The following NOX4 variants were observed in gnomAD, a reference collection of about 807,000 sequenced individuals.
The protein encoded by NOX4 is kidney oxidase-1.
NOX4 carries 69 observed loss-of-function variants against 87.6 expected under a neutral mutation model. The ratio of observed to expected loss-of-function variants is 0.79; its 90% CI spans 0.65 to 0.96. The LOEUF (loss-of-function observed/expected upper bound fraction) is 0.96, where lower values mean the gene tolerates loss of function less well. NOX4 is among the 40% of genes least tolerant of loss of function. The pLI, the probability that NOX4 is intolerant of heterozygous loss-of-function variation, is 0.00. For missense variants in NOX4, 680 were observed against 681.5 expected, an observed-to-expected ratio of 1.00 and a Z score of 0.02; for synonymous variants, 275 against 238.2, an observed-to-expected ratio of 1.15 and a Z score of -1.42.
At chr11:89,373,317 AGCTTG>A in intron 12 of NOX4, 110 bp downstream of exon 12, 1 of 524,252 alleles carries the variant, frequency 1.9e-6, no homozygotes, top group Non-Finnish European at 3.4e-6. Flanking sequence ...AACCCAGAAC[AGCTTG>A]AAACACATAC....
chr11:89,398,317 C>T (rs1015273225), intron 11 of NOX4, among the ~76,000 whole-genome samples: 2 of 151,926 alleles, frequency 1.3e-5, no homozygotes, highest in Non-Finnish European at 2.9e-5. Flanking sequence ...GAACGTATCT[C>T]AAAATAATAA....
intron 2 of NOX4, among the ~76,000 whole-genome samples, chr11:89,482,271 A>G (rs1219747794): frequency 6.6e-6 from 1 of 152,104 alleles, no homozygotes; most frequent in Non-Finnish European, 1.5e-5. Flanking sequence ...AGGAGAAAAA[A>G]AAATACATTA....
intron 11 of NOX4, among the ~76,000 whole-genome samples, chr11:89,385,758 T>C (rs1940655002): frequency 6.6e-6 from 1 of 152,170 alleles, no homozygotes; most frequent in Non-Finnish European, 1.5e-5. Flanking sequence ...AAATTGACTT[T>C]ACTCACATGA....
the NOX4 span, among the ~76,000 whole-genome samples, chr11:89,566,043 C>CTTTT: frequency 8.1e-6 from 1 of 122,860 alleles, no homozygotes; most frequent in Non-Finnish European, 1.7e-5. Flanking sequence ...TTCTTTTTTT[C>CTTTT]TTTTTTTTTT....
intron 9 of NOX4, among the ~76,000 whole-genome samples, chr11:89,400,698 A>G (rs1941789697): frequency 6.6e-6 from 1 of 152,088 alleles, no homozygotes; most frequent in African/African-American, 2.4e-5. Flanking sequence ...TACACAATAT[A>G]TTTAATAAAA....
At chr11:89,354,673 G>A (rs1487425456) in intron 13 of NOX4, among the ~76,000 whole-genome samples, 1 of 152,158 alleles carries the variant, frequency 6.6e-6, no homozygotes, top group Non-Finnish European at 1.5e-5. Context: ...CTGTTGATAT[G>A]ACATCAAGCA....
intron 11 of NOX4, among the ~76,000 whole-genome samples, chr11:89,398,976 A>G (rs1025550759): frequency 1.3e-5 from 2 of 152,044 alleles, no homozygotes; most frequent in Non-Finnish European, 2.9e-5. Flanking sequence ...TCATGTATGC[A>G]GAAGCATATG....
chr11:89,456,968 G>T (rs559608535), intron 2 of NOX4, among the ~76,000 whole-genome samples: 1 of 152,220 alleles, frequency 6.6e-6, no homozygotes, highest in East Asian at 1.9e-4. Flanking sequence ...CCTCTCCTGG[G>T]TACAGCCTGG....
chr11:89,451,071 G>A (rs1473508613), intron 3 of NOX4, among the ~76,000 whole-genome samples: 5 of 126,204 alleles, frequency 4.0e-5, no homozygotes, highest in East Asian at 2.7e-4. Context: ...TGTGGGGTGG[G>A]GGGAGGGGGG....
At chr11:89,559,341 G>T in the NOX4 span, among the ~76,000 whole-genome samples, 1 of 152,060 alleles carries the variant, frequency 6.6e-6, no homozygotes, top group Non-Finnish European at 1.5e-5. Context: ...ATGGAAAGCT[G>T]GTCTGAGGAG....
intron 4 of NOX4, among the ~76,000 whole-genome samples, chr11:89,448,115 T>C (rs140161163): frequency 9.5e-4 from 144 of 152,310 alleles, no homozygotes; most frequent in African/African-American, 2.6e-3. Context: ...CTTGCAACTG[T>C]AAATTACAAT....
intron 2 of NOX4, among the ~76,000 whole-genome samples, chr11:89,480,352 A>G (rs563925167): frequency 2.2e-4 from 34 of 152,272 alleles, no homozygotes; most frequent in African/African-American, 8.2e-4. Context: ...AAGCTTTGTG[A>G]AATGATAGGA....
chr11:89,358,958 G>C (rs763512441), intron 12 of NOX4, among the ~76,000 whole-genome samples: 1 of 151,598 alleles, frequency 6.6e-6, no homozygotes, highest in African/African-American at 2.4e-5. Flanking sequence ...GATTTTCTGC[G>C]AAGTGATACC....
At chr11:89,457,215 C>T (rs1365896311) in intron 2 of NOX4, among the ~76,000 whole-genome samples, 2 of 152,190 alleles carry the variant, frequency 1.3e-5, no homozygotes, top group Non-Finnish European at 2.9e-5. Flanking sequence ...GAATGCATCC[C>T]ACTGTGTCAC....
At chr11:89,451,975 A>C in intron 2 of NOX4, 80 bp from the exon 3 acceptor site, 4 of 878,690 alleles carry the variant, frequency 4.6e-6, no homozygotes, top group Non-Finnish European at 7.6e-6. Context: ...TAGAGGTCTC[A>C]CCCTATTGCT....
At chr11:89,467,076 C>A (rs746238209) in intron 2 of NOX4, among the ~76,000 whole-genome samples, 1 of 152,062 alleles carries the variant, frequency 6.6e-6, no homozygotes, top group South Asian at 2.1e-4. Context: ...CGGCCGGGCA[C>A]GGTGGCTCAC....
chr11:89,427,566 C>T (rs932590013), intron 7 of NOX4, among the ~76,000 whole-genome samples: 41 of 152,132 alleles, frequency 2.7e-4, no homozygotes, highest in African/African-American at 7.7e-4. Context: ...ACGAGAACTA[C>T]GTGACGAATG....
At chr11:89,467,101 C>A (rs999314158) in intron 2 of NOX4, among the ~76,000 whole-genome samples, 1 of 151,988 alleles carries the variant, frequency 6.6e-6, no homozygotes, top group Admixed American at 6.6e-5. Flanking sequence ...GTAATCCCAG[C>A]ACTTTGGGAG....
At chr11:89,340,008 G>T (rs1945906005) in intron 15 of NOX4, 55 bp downstream of exon 15, 4 of 852,612 alleles carry the variant, frequency 4.7e-6, no homozygotes, top group South Asian at 1.9e-5. Context: ...TAATATAAAA[G>T]CTATAACATT....
Sources: allele counts gnomAD v4.1 joint callset (sites outside exome capture counted in the v4.1 genomes callset), GRCh38; gene constraint gnomAD v4.1.1; transcripts MANE v1.5; gene names NCBI Gene and HGNC (gene_info 2026-07-23, HGNC 2026-07-21).